The following BEND7 variants were observed in gnomAD, a reference collection of about 807,000 sequenced individuals.
The protein encoded by BEND7 is BEN domain containing 7, also known as BEN domain-containing protein 7.
BEND7 carries 28 observed loss-of-function variants against 50.9 expected under a neutral mutation model. The ratio of observed to expected loss-of-function variants is 0.55; its 90% CI spans 0.41 to 0.75. The LOEUF (loss-of-function observed/expected upper bound fraction) is 0.75. Among genes scored for constraint, BEND7 ranks in the 30% least tolerant of loss-of-function variants. BEND7 has a pLI of 0.00. For synonymous variants in BEND7, 170 were observed against 183.9 expected (o/e 0.92, Z 0.61); for missense variants, 477 against 491.3 (o/e 0.97, Z 0.28).
At chr10:13,505,670 C>A (rs963059705) in intron 2 of BEND7, among the ~76,000 whole-genome samples, 21 of 152,214 alleles carry the variant, frequency 1.4e-4, no homozygotes, top group Admixed American at 6.5e-5. Context: ...CTCTTGCTGG[C>A]ACTTGTCCGG....
chr10:13,464,490 C>T (rs1188963368), intron 6 of BEND7, among the ~76,000 whole-genome samples: 1 of 151,982 alleles, frequency 6.6e-6, no homozygotes, highest in African/African-American at 2.4e-5. Context: ...ACACAAGTGG[C>T]AAAGTAAGAA....
At chr10:13,452,448 G>T in intron 7 of BEND7, 91 bp downstream of exon 7, 2 of 1,326,808 alleles carry the variant, frequency 1.5e-6, no homozygotes, top group Non-Finnish European at 1.0e-6. Context: ...AAGACAAGAT[G>T]CTGAAATAAC....
intron 2 of BEND7, among the ~76,000 whole-genome samples, chr10:13,524,315 T>C (rs1213354129): frequency 6.6e-6 from 1 of 152,216 alleles, no homozygotes; most frequent in Non-Finnish European, 1.5e-5. Flanking sequence ...TTATTTCGAA[T>C]GGCTATATAG....
chr10:13,455,997 G>C (rs1054715704), intron 6 of BEND7, among the ~76,000 whole-genome samples: 2 of 152,140 alleles, frequency 1.3e-5, no homozygotes, highest in Non-Finnish European at 2.9e-5. Flanking sequence ...GCTCCTTTAG[G>C]ACACGGGATG....
chr10:13,447,432 C>T (rs1836614680), intron 7 of BEND7, 116 bp from the exon 8 acceptor site: 1 of 983,086 alleles, frequency 1.0e-6, no homozygotes, highest in Non-Finnish European at 1.5e-6. Flanking sequence ...TTTCACCATT[C>T]TTTTCTGTTT....
In BEND7 at chr10:13,441,706, T is replaced by C; in HGVS notation, c.*37A>G. On this transcript the variant is annotated 3_prime_UTR_variant, in exon 9 of 9. Transcript: ENST00000466271. ...AGAGGACGGATTTTAAAACCCATGGTGCAAAAAACACAAGAGCTGTGGTTT... is the reference window on the plus strand; with the variant it reads ...AGAGGACGGATTTTAAAACCCATGGCGCAAAAAACACAAGAGCTGTGGTTT... The C allele has an allele frequency of 1.2e-6, 2 of 1,613,464 alleles. No homozygotes were observed. The highest frequency in any genetic ancestry group is 1.7e-6 in the Non-Finnish European group (2 of 1,179,776).
chr10:13,495,662 CAAAT>C (rs2076974632), intron 4 of BEND7, among the ~76,000 whole-genome samples: 1 of 152,206 alleles, frequency 6.6e-6, no homozygotes, highest in Admixed American at 6.5e-5. Flanking sequence ...AACTCCATCT[CAAAT>C]AAAAAGATGC....
intron 6 of BEND7, among the ~76,000 whole-genome samples, chr10:13,474,333 T>C (rs1310682354): frequency 6.7e-6 from 1 of 149,396 alleles, no homozygotes; most frequent in Non-Finnish European, 1.5e-5. Flanking sequence ...CTGTTAAATT[T>C]GGGGTCGATA....
intron 6 of BEND7, among the ~76,000 whole-genome samples, chr10:13,461,399 T>G (rs190015383): frequency 6.6e-6 from 1 of 152,200 alleles, no homozygotes; most frequent in African/African-American, 2.4e-5. Flanking sequence ...GAGCAAGCTC[T>G]GTCCAGACTT....
At chr10:13,517,365 A>G (rs1011076463) in intron 2 of BEND7, among the ~76,000 whole-genome samples, 1 of 152,140 alleles carries the variant, frequency 6.6e-6, no homozygotes, top group Non-Finnish European at 1.5e-5. Flanking sequence ...GCTGCTGCAC[A>G]TGGAGGCAAG....
At position 13,518,552 on chromosome 10, in the gene BEND7, C is replaced by T. The variant is rs559813468; in HGVS notation, c.145+7586G>A. 2.0e-5 allele frequency among the ~76,000 whole-genome samples: 3 copies of T among 152,326 alleles called. No individual in the cohort carries two copies. The South Asian group carries it at 6.2e-4, about 32-fold the overall frequency. On this transcript the variant is annotated intron_variant, in intron 2 of 8. Coordinates refer to ENST00000466271, the MANE Select transcript of BEND7 (RefSeq NM_001369863.1). ...TCTTAAGCACCTTTCTAAAGCTGTACCTGTGTTAGAGCAGAATAAGGAACA... is the reference window on the plus strand; with the variant it reads ...TCTTAAGCACCTTTCTAAAGCTGTATCTGTGTTAGAGCAGAATAAGGAACA...
rs59102339 is a variant in BEND7 at position 13,472,588 on chromosome 10, G to A, written c.1063+8311C>T. On this transcript the variant is annotated intron_variant, in intron 6 of 8. Coordinates refer to ENST00000466271, the MANE Select transcript of BEND7 (RefSeq NM_001369863.1). ...CGTCATCACTGTTAGATTTGGGGTT[G>A]ATACCCGTCATCACTGTTAAGACTT... Among the ~76,000 whole-genome samples the A allele has an allele frequency of 5.9e-3, 889 of 151,166 alleles. 4 individuals are homozygous for A. The highest frequency in any genetic ancestry group is 0.021 in the African/African-American group (868 of 41,158).
At chr10:13,469,602 G>A (rs1280031265) in intron 6 of BEND7, among the ~76,000 whole-genome samples, 2 of 152,040 alleles carry the variant, frequency 1.3e-5, no homozygotes, top group Non-Finnish European at 2.9e-5. Context: ...TCAGCCTCCT[G>A]AGCAGCTGGG....
chr10:13,442,079 G>A, intron 8 of BEND7: 1 of 320,404 alleles, frequency 3.1e-6, no homozygotes, highest in South Asian at 5.6e-5. Context: ...GATGTGACAT[G>A]AATACCTTGG....
At chr10:13,466,868 A>AC (rs1337535686) in intron 6 of BEND7, among the ~76,000 whole-genome samples, 2 of 152,134 alleles carry the variant, frequency 1.3e-5, no homozygotes, top group Admixed American at 6.5e-5. Context: ...CGCTGAGTTT[A>AC]CCCCCTCGCC....
At chr10:13,500,133 G>C in intron 2 of BEND7, 53 bp from the exon 3 acceptor site, 1 of 1,346,900 alleles carries the variant, frequency 7.4e-7, no homozygotes, top group Non-Finnish European at 1.0e-6. Context: ...AGAGAAAACA[G>C]TTCACTAACC....
intron 6 of BEND7, among the ~76,000 whole-genome samples, chr10:13,478,834 G>T (rs945155833): frequency 1.3e-5 from 2 of 151,996 alleles, no homozygotes; most frequent in African/African-American, 4.8e-5. Context: ...TTACTGGGTC[G>T]TTATTACAGA....
At chr10:13,448,885 G>A (rs1837041496) in intron 7 of BEND7, among the ~76,000 whole-genome samples, 1 of 150,264 alleles carries the variant, frequency 6.7e-6, no homozygotes, top group African/African-American at 2.5e-5. Context: ...TGAGGCAGGA[G>A]AATGGTGTGA....
intron 5 of BEND7, among the ~76,000 whole-genome samples, chr10:13,489,207 C>A (rs1394350950): frequency 1.3e-5 from 2 of 152,154 alleles, no homozygotes; most frequent in African/African-American, 4.8e-5. Context: ...GTTCATTGCT[C>A]AGGGTCACAC....
Sources: allele counts gnomAD v4.1 joint callset (sites outside exome capture counted in the v4.1 genomes callset), GRCh38; gene constraint gnomAD v4.1.1; transcripts MANE v1.5; gene names NCBI Gene and HGNC (gene_info 2026-07-23, HGNC 2026-07-21).